CDH12: variants seen among roughly 807,000 people sequenced by gnomAD.
The protein encoded by CDH12 is cadherin-12.
In CDH12, 41 loss-of-function variants were observed where a neutral mutation model predicts 74.1. The observed-to-expected ratio is 0.55, with a 90% CI of 0.43 to 0.72. The LOEUF is 0.72. CDH12 is among the 30% of genes least tolerant of loss of function. The pLI is 0.00. For missense variants in CDH12, 945 were observed against 977.2 expected (o/e 0.97, Z 0.44); for synonymous variants, 399 against 355.0 (o/e 1.12, Z -1.39).
At chr5:22,685,652 C>A (rs770003177) in intron 1 of CDH12, among the ~76,000 whole-genome samples, 1 of 152,156 alleles carries the variant, frequency 6.6e-6, no homozygotes, top group South Asian at 2.1e-4. Flanking sequence ...AGAATAACAC[C>A]GTATGTGGTC....
chr5:22,504,946 G>A (rs989760491), intron 2 of CDH12, among the ~76,000 whole-genome samples: 2 of 151,892 alleles, frequency 1.3e-5, no homozygotes, highest in African/African-American at 4.8e-5. Flanking sequence ...ATCACTTTCT[G>A]TTTTTAGGAG....
chr5:22,050,076 T>A (rs1440336877), intron 5 of CDH12, among the ~76,000 whole-genome samples: 2 of 152,158 alleles, frequency 1.3e-5, no homozygotes, highest in Non-Finnish European at 2.9e-5. Flanking sequence ...ATTTTTAAAT[T>A]GTGCTTCTTC....
intron 6 of CDH12, among the ~76,000 whole-genome samples, chr5:21,935,075 C>T (rs1478890728): frequency 2.6e-5 from 4 of 152,100 alleles, no homozygotes; most frequent in African/African-American, 7.2e-5. Flanking sequence ...CGTGAGCCAA[C>T]GTGCCCGGCC....
intron 12 of CDH12, among the ~76,000 whole-genome samples, chr5:21,763,248 ATACTC>A (rs1397531047): frequency 6.6e-6 from 1 of 152,178 alleles, no homozygotes; most frequent in East Asian, 1.9e-4. Flanking sequence ...GGTTATGAAA[ATACTC>A]TATGTCTGCA....
chr5:22,045,602 C>CA (rs34753862), intron 5 of CDH12, among the ~76,000 whole-genome samples: 13,069 of 112,680 alleles, frequency 0.12, 1,213 homozygotes, highest in African/African-American at 0.26. Flanking sequence ...ACTATTCAGC[C>CA]AAAAAAAAAA....
At chr5:22,464,721 G>A (rs1745654107) in intron 2 of CDH12, among the ~76,000 whole-genome samples, 1 of 152,124 alleles carries the variant, frequency 6.6e-6, no homozygotes, top group Admixed American at 6.5e-5. Flanking sequence ...GATGATTTGT[G>A]CCAGGCACGG....
intron 4 of CDH12, among the ~76,000 whole-genome samples, chr5:22,160,944 A>G (rs1748307643): frequency 1.3e-5 from 2 of 152,184 alleles, no homozygotes; most frequent in South Asian, 2.1e-4. Context: ...GATTCATGCT[A>G]GAGGGTCCTC....
At chr5:22,102,693 T>C (rs970977376) in intron 4 of CDH12, among the ~76,000 whole-genome samples, 2 of 151,532 alleles carry the variant, frequency 1.3e-5, no homozygotes, top group South Asian at 4.1e-4. Flanking sequence ...AATAAATAAA[T>C]ACATAAATAA....
chr5:22,677,619 G>A (rs1187800811), intron 1 of CDH12, among the ~76,000 whole-genome samples: 2 of 152,046 alleles, frequency 1.3e-5, no homozygotes, highest in Non-Finnish European at 2.9e-5. Flanking sequence ...TCAGAACATG[G>A]CACTAGGATA....
At chr5:22,116,160 G>A (rs1278485640) in intron 4 of CDH12, among the ~76,000 whole-genome samples, 2 of 152,148 alleles carry the variant, frequency 1.3e-5, no homozygotes, top group Non-Finnish European at 2.9e-5. Flanking sequence ...CCTTAAGAAA[G>A]CAGAGCTTCC....
chr5:22,491,618 A>AC (rs1190344448), intron 2 of CDH12, among the ~76,000 whole-genome samples: 2 of 31,472 alleles, frequency 6.4e-5, no homozygotes, highest in East Asian at 5.4e-4. Flanking sequence ...AGCAAAAAAA[A>AC]AAACAAAAAA....
intron 1 of CDH12, among the ~76,000 whole-genome samples, chr5:22,670,440 C>A (rs889634684): frequency 6.6e-6 from 1 of 152,152 alleles, no homozygotes; most frequent in African/African-American, 2.4e-5. Context: ...CCTCTACCAC[C>A]TGCAGATAAC....
At chr5:21,903,920 C>A (rs187112028) in intron 6 of CDH12, among the ~76,000 whole-genome samples, 334 of 152,140 alleles carry the variant, frequency 2.2e-3, no homozygotes, top group African/African-American at 7.8e-3. Flanking sequence ...AAGCCATCAA[C>A]GACATCATTC....
At chr5:22,649,752 G>T (rs79837194) in intron 1 of CDH12, among the ~76,000 whole-genome samples, 1 of 151,776 alleles carries the variant, frequency 6.6e-6, no homozygotes, top group African/African-American at 2.4e-5. Context: ...CTTCAGAAAA[G>T]CTTTTTTGCA....
At chr5:22,424,040 AAAAG>A (rs978182935) in intron 2 of CDH12, among the ~76,000 whole-genome samples, 4 of 150,096 alleles carry the variant, frequency 2.7e-5, no homozygotes, top group Non-Finnish European at 5.9e-5. Flanking sequence ...AAAGAAAAGA[AAAAG>A]AAAGAAAAAA....
At chr5:22,638,266 C>T (rs1561544184) in intron 1 of CDH12, among the ~76,000 whole-genome samples, 1 of 152,254 alleles carries the variant, frequency 6.6e-6, no homozygotes, top group East Asian at 1.9e-4. Context: ...AGCAAGAAAG[C>T]CAGGCAGCAT....
chr5:22,759,610 G>A (rs554236878), intron 1 of CDH12, among the ~76,000 whole-genome samples: 1 of 152,050 alleles, frequency 6.6e-6, no homozygotes, highest in Non-Finnish European at 1.5e-5. Flanking sequence ...TGCATGGCTC[G>A]AGTTAAAACT....
chr5:22,105,558 T>C (rs1453644216), intron 4 of CDH12, among the ~76,000 whole-genome samples: 4 of 151,372 alleles, frequency 2.6e-5, no homozygotes, highest in Admixed American at 1.3e-4. Flanking sequence ...CTTAGCCAGG[T>C]GTGGTGTTCT....
intron 5 of CDH12, among the ~76,000 whole-genome samples, chr5:22,001,169 T>G (rs1453991468): frequency 1.3e-5 from 2 of 152,178 alleles, no homozygotes; most frequent in African/African-American, 4.8e-5. Context: ...AGATACACTA[T>G]CTTTGATTTC....
Sources: allele counts gnomAD v4.1 joint callset (sites outside exome capture counted in the v4.1 genomes callset), GRCh38; gene constraint gnomAD v4.1.1; transcripts MANE v1.5; gene names NCBI Gene and HGNC (gene_info 2026-07-23, HGNC 2026-07-21).